Variants in EVI5 observed in about 807,000 individuals in gnomAD.
The protein encoded by EVI5 is ecotropic viral integration site 5.
In EVI5, 73 loss-of-function variants were observed where a neutral mutation model predicts 112.0. The observed-to-expected ratio is 0.65, with a 90% CI of 0.54 to 0.79. The LOEUF is 0.79. Among genes scored for constraint, EVI5 ranks in the 30% least tolerant of loss-of-function variants. EVI5 has a pLI of 0.00. For synonymous variants in EVI5, 305 were observed against 319.9 expected (o/e 0.95, Z 0.50); for missense variants, 900 against 968.8 (o/e 0.93, Z 0.94).
In EVI5 at chr1:92,665,986, G is replaced by A. The variant is rs746351777; in HGVS notation, c.1165C>T (p.Arg389Cys). 19 of 1,595,988 alleles carry A rather than the reference G, an allele frequency of 1.2e-5. No homozygotes were observed. The highest frequency in any genetic ancestry group is 7.0e-5 in the Admixed American group (4 of 56,914). Residue 389 changes from arginine (R) to cysteine (C), a missense_variant, in exon 11 of 20, where the codon CGC becomes TGC. Physicochemically the swap from Arg to Cys is radical, Grantham distance 180 (BLOSUM62 -3). Transcript: ENST00000684568. ...MEEQVEIKRL[R>C]TENRLLKQRI... ...TGTTTTAAAAGTCTATTTTCTGTGC[G>A]TAACCTCTGCCAAGAAAAAAAAAGT...
chr1:92,739,273 CAAA>C (rs72016918), intron 1 of EVI5, among the ~76,000 whole-genome samples: 52 of 76,476 alleles, frequency 6.8e-4, no homozygotes, highest in African/African-American at 2.5e-3. Context: ...AACTCCGTCT[CAAA>C]AAAAAAAAAA....
intron 1 of EVI5, among the ~76,000 whole-genome samples, chr1:92,766,482 G>A (rs191486346): frequency 1.1e-4 from 16 of 151,820 alleles, no homozygotes; most frequent in Non-Finnish European, 2.2e-4. Context: ...ACAATATATC[G>A]AGCACTATGT....
chr1:92,519,554 T>C (rs1660521248), intron 19 of EVI5, among the ~76,000 whole-genome samples: 2 of 152,138 alleles, frequency 1.3e-5, no homozygotes, highest in Admixed American at 1.3e-4. Context: ...TGATGCTATT[T>C]GGCAATAAAA....
intron 18 of EVI5, among the ~76,000 whole-genome samples, chr1:92,585,846 T>G (rs989906700): frequency 3.3e-5 from 5 of 150,626 alleles, no homozygotes; most frequent in Non-Finnish European, 5.9e-5. Flanking sequence ...CTTTGTTTTT[T>G]AACCTGTTTT....
At chr1:92,671,171 T>C (rs1437968756) in intron 10 of EVI5, among the ~76,000 whole-genome samples, 2 of 152,226 alleles carry the variant, frequency 1.3e-5, no homozygotes, top group Non-Finnish European at 2.9e-5. Context: ...TAGGTTTTAG[T>C]ACCTACCATT....
intron 9 of EVI5, among the ~76,000 whole-genome samples, chr1:92,684,419 GAAC>G (rs988370306): frequency 6.6e-6 from 1 of 152,176 alleles, no homozygotes; most frequent in African/African-American, 2.4e-5. Flanking sequence ...ACATGGAAAA[GAAC>G]AACTGGTGCC....
chr1:92,614,833 T>C (rs555307718), intron 16 of EVI5, among the ~76,000 whole-genome samples: 1 of 34,674 alleles, frequency 2.9e-5, no homozygotes, highest in South Asian at 1.6e-3. Flanking sequence ...GTATTTTATG[T>C]TATATTTTAT....
At chr1:92,632,167 C>G (rs1242103369) in intron 14 of EVI5, among the ~76,000 whole-genome samples, 3 of 152,146 alleles carry the variant, frequency 2.0e-5, no homozygotes, top group Non-Finnish European at 4.4e-5. Flanking sequence ...CTCTGCCAAC[C>G]TTTGGTATCA....
At chr1:92,682,772 A>G (rs1281021624) in intron 9 of EVI5, among the ~76,000 whole-genome samples, 2 of 152,134 alleles carry the variant, frequency 1.3e-5, no homozygotes, top group Non-Finnish European at 2.9e-5. Context: ...GGTCTTCAAA[A>G]TTGTACTCAG....
At chr1:92,655,723 G>A (rs969704243) in intron 13 of EVI5, among the ~76,000 whole-genome samples, 8 of 152,010 alleles carry the variant, frequency 5.3e-5, no homozygotes, top group African/African-American at 1.9e-4. Context: ...AGTGAAAAAA[G>A]ACAAGGAAGG....
At chr1:92,636,484 C>A (rs960062961) in intron 13 of EVI5, 148 bp from the exon 14 acceptor site, 2 of 625,038 alleles carry the variant, frequency 3.2e-6, no homozygotes, top group Non-Finnish European at 5.3e-6. Context: ...CAATGTATCT[C>A]CTCCAATTAA....
chr1:92,721,830 G>A (rs1299179389), intron 2 of EVI5, among the ~76,000 whole-genome samples: 2 of 152,060 alleles, frequency 1.3e-5, no homozygotes, highest in African/African-American at 2.4e-5. Context: ...ATAACGCTTT[G>A]TGTATTTTAG....
At chr1:92,636,924 A>G (rs1658963097) in intron 13 of EVI5, among the ~76,000 whole-genome samples, 1 of 152,168 alleles carries the variant, frequency 6.6e-6, no homozygotes, top group Non-Finnish European at 1.5e-5. Flanking sequence ...CTTAAATTGC[A>G]TATGTGACAC....
At chr1:92,761,125 T>A (rs922491162) in intron 1 of EVI5, among the ~76,000 whole-genome samples, 4 of 151,746 alleles carry the variant, frequency 2.6e-5, no homozygotes, top group Non-Finnish European at 5.9e-5. Flanking sequence ...CTACCACCTA[T>A]GTCATATTTT....
intron 9 of EVI5, among the ~76,000 whole-genome samples, chr1:92,684,927 G>A (rs2102390522): frequency 6.6e-6 from 1 of 152,152 alleles, no homozygotes; most frequent in Non-Finnish European, 1.5e-5. Flanking sequence ...GACCTACAAA[G>A]AGACTTAGAC....
chr1:92,770,131 C>T (rs1330998508), intron 1 of EVI5, among the ~76,000 whole-genome samples: 1 of 152,184 alleles, frequency 6.6e-6, no homozygotes, highest in Non-Finnish European at 1.5e-5. Context: ...CCAGAAGAAA[C>T]CAGCCCTGCT....
intron 16 of EVI5, among the ~76,000 whole-genome samples, chr1:92,620,912 T>C (rs1194584638): frequency 6.6e-6 from 1 of 152,152 alleles, no homozygotes; most frequent in African/African-American, 2.4e-5. Flanking sequence ...GGACAATATG[T>C]AAAATGTATG....
intron 13 of EVI5, among the ~76,000 whole-genome samples, chr1:92,662,117 C>T (rs1664120039): frequency 6.6e-6 from 1 of 152,128 alleles, no homozygotes; most frequent in African/African-American, 2.4e-5. Flanking sequence ...ATTAGAAATA[C>T]ACCCTAGGTT....
At chr1:92,677,317 T>A (rs1157752364) in intron 9 of EVI5, 99 bp from the exon 10 acceptor site, 4 of 601,510 alleles carry the variant, frequency 6.6e-6, no homozygotes, top group Non-Finnish European at 1.1e-5. Flanking sequence ...AAAATACAAT[T>A]TCTTTAGTTT....
Sources: gnomAD v4.1 joint callset for allele counts (sites outside exome capture counted in the v4.1 genomes callset) on GRCh38, gnomAD v4.1.1 for gene constraint, MANE v1.5 for transcripts, NCBI Gene and HGNC (gene_info 2026-07-23, HGNC 2026-07-21) for gene names.